The following TBC1D4 variants were observed in gnomAD, a reference collection of about 807,000 sequenced individuals.
TBC1D4 encodes the protein TBC1 domain family member 4.
TBC1D4 carries 121 observed loss-of-function variants against 142.5 expected under a neutral mutation model. The ratio of observed to expected loss-of-function variants is 0.85; its 90% CI spans 0.73 to 0.99. TBC1D4 has a LOEUF of 0.99. Ranked by LOEUF, TBC1D4 falls within the 50% of genes least tolerant of loss-of-function variation. The pLI is 0.00. For missense variants in TBC1D4, 1,475 were observed against 1,606.6 expected (o/e 0.92, Z 1.40); for synonymous variants, 630 against 628.2 (o/e 1.00, Z -0.04).
intron 1 of TBC1D4, among the ~76,000 whole-genome samples, chr13:75,390,504 T>C (rs571092719): frequency 3.9e-5 from 6 of 152,186 alleles, no homozygotes; most frequent in Admixed American, 1.3e-4. Flanking sequence ...ACAGACTGTT[T>C]CACTGACACC....
intron 8 of TBC1D4, among the ~76,000 whole-genome samples, chr13:75,333,404 A>G (rs1191892826): frequency 6.6e-6 from 1 of 152,178 alleles, no homozygotes; most frequent in South Asian, 2.1e-4. Context: ...AAATAAATTT[A>G]AAAAAACACC....
At chr13:75,356,557 AG>A (rs1468073380) in intron 3 of TBC1D4, among the ~76,000 whole-genome samples, 12 of 152,218 alleles carry the variant, frequency 7.9e-5, no homozygotes, top group Non-Finnish European at 1.8e-4. Context: ...CATGTCTGCA[AG>A]TAACGGAGTT....
chr13:75,288,958 G>A lies in TBC1D4; in HGVS notation c.3639C>T (p.Asn1213=). The change falls in exon 20 of 21, where the codon AAC becomes AAT. Residue 1213 remains asparagine (N), a synonymous_variant. Coordinates refer to ENST00000377636, the MANE Select transcript of TBC1D4 (RefSeq NM_014832.5). ...ERANSQLKRQ[N]MDLLEKLQVA... is the part of the protein sequence containing the mutation. ...CCTGTAATTTTTCTAGGAGGTCCAT[G>A]TTTTGTCTTTTCAGTTGGCTATTGG... 1 of 1,613,738 alleles carries A rather than the reference G, an allele frequency of 6.2e-7. No individual in the cohort carries two copies. The highest frequency in any genetic ancestry group is 8.5e-7 in the Non-Finnish European group (1 of 1,179,818).
At chr13:75,309,186 CA>C (rs1303841283) in intron 14 of TBC1D4, among the ~76,000 whole-genome samples, 3 of 152,092 alleles carry the variant, frequency 2.0e-5, no homozygotes, top group Non-Finnish European at 2.9e-5. Context: ...GAAATTTATA[CA>C]TTTTTTTGGA....
intron 8 of TBC1D4, among the ~76,000 whole-genome samples, chr13:75,335,894 C>A (rs1880154565): frequency 6.6e-6 from 1 of 152,074 alleles, no homozygotes; most frequent in African/African-American, 2.4e-5. Context: ...TTCTTTATAG[C>A]AATGCGAAAA....
intron 1 of TBC1D4, among the ~76,000 whole-genome samples, chr13:75,445,173 A>G (rs1355656119): frequency 1.3e-5 from 2 of 152,216 alleles, no homozygotes; most frequent in Non-Finnish European, 1.5e-5. Context: ...AGAGAAGATA[A>G]TCACACAGGT....
rs545161429 is a variant in TBC1D4 at position 75,362,414 on chromosome 13, A to C, written c.692T>G (p.Leu231Arg). ...GATCTTCAGGCGCTGCTGTTCGTGC[A>C]GGCTGAACTTCTCCATGCAGTCATC... ...LIDDCMEKFSLHEQQRLKIQG... is the reference protein window; with the variant it reads ...LIDDCMEKFSRHEQQRLKIQG... Residue 231 changes from leucine (L) to arginine (R), a missense_variant, in exon 2 of 21, where the codon CTG (leucine) becomes CGG (arginine). By Grantham distance (102) the Leu-to-Arg change is moderately radical. Coordinates refer to ENST00000377636, the MANE Select transcript of TBC1D4 (RefSeq NM_014832.5). This position sits in a 1 kb window ranked among gnomAD's most constrained non-coding sequence, Gnocchi z 4.2. 6.2e-7 allele frequency: 1 copy of C among 1,614,234 alleles called. No individual in the cohort carries two copies. The highest frequency in any genetic ancestry group is 1.1e-5 in the South Asian group (1 of 91,084).
intron 8 of TBC1D4, among the ~76,000 whole-genome samples, chr13:75,329,164 C>T (rs745880340): frequency 6.6e-5 from 10 of 151,838 alleles, no homozygotes; most frequent in Admixed American, 1.3e-4. Flanking sequence ...AGTTACATCA[C>T]GAATTTTGGT....
rs1184602891 is a variant in TBC1D4 at position 75,288,981 on chromosome 13, T to G, written c.3616A>C (p.Asn1206His). The G allele has an allele frequency of 6.2e-7, 1 of 1,613,948 alleles. No individual in the cohort carries two copies. The highest frequency in any genetic ancestry group is 8.5e-7 in the Non-Finnish European group (1 of 1,179,890). The change falls in exon 20 of 21, where the codon AAT (asparagine) becomes CAT (histidine). Residue 1206 changes from asparagine to histidine, a missense_variant. Physicochemically the swap from Asn to His is moderately conservative, Grantham distance 68. This residue lies in a region of TBC1D4 where 248 missense variants were observed against 338.9 expected (regional missense o/e 0.73). Coordinates refer to ENST00000377636, the MANE Select transcript of TBC1D4 (RefSeq NM_014832.5). ...ATGTTTTGTCTTTTCAGTTGGCTAT[T>G]GGCCCTCTCCAGCTTCTCCAAAGTT... The part of the protein sequence containing the change: ...SETLEKLERA[N>H]SQLKRQNMDL...
chr13:75,450,208 TGGCCATA>T (rs1887477374), intron 1 of TBC1D4, among the ~76,000 whole-genome samples: 1 of 152,202 alleles, frequency 6.6e-6, no homozygotes, highest in Non-Finnish European at 1.5e-5. Context: ...TACCTCACAG[TGGCCATA>T]GTTGCCATTC....
rs1389108674 is a variant in TBC1D4 at position 75,362,168 on chromosome 13, C to T, written c.938G>A (p.Arg313Gln). The T allele has an allele frequency of 1.9e-6, 3 of 1,613,578 alleles. No homozygotes were observed. The highest frequency in any genetic ancestry group is 2.5e-6 in the Non-Finnish European group (3 of 1,180,010). Residue 313 changes from arginine (R) to glutamine (Q), a missense_variant, in exon 2 of 21, where the codon CGG becomes CAG. Physicochemically the swap from Arg to Gln is conservative, Grantham distance 43. Coordinates refer to ENST00000377636, the MANE Select transcript of TBC1D4 (RefSeq NM_014832.5). The surrounding 1 kb of genome is among the most constrained non-coding windows in gnomAD (Gnocchi z 4.2). Reference sequence around the variant, plus strand: ...GCCGGTGACACTGCTGCACCGAGACCGAAACTCCTGCTGCTCATCAAAGCC... The same window carrying T: ...GCCGGTGACACTGCTGCACCGAGACTGAAACTCCTGCTGCTCATCAAAGCC... ...DSGFDEQQEFRSRCSSVTGVQ... is the reference protein window; with the variant it reads ...DSGFDEQQEFQSRCSSVTGVQ...
intron 8 of TBC1D4, among the ~76,000 whole-genome samples, chr13:75,329,454 C>G (rs188561329): frequency 1.7e-4 from 26 of 151,416 alleles, no homozygotes; most frequent in East Asian, 7.8e-4. Context: ...CTCTCTCCCC[C>G]GCTTGTTTTT....
intron 1 of TBC1D4, among the ~76,000 whole-genome samples, chr13:75,412,576 A>T (rs1473150221): frequency 6.6e-6 from 1 of 152,170 alleles, no homozygotes; most frequent in East Asian, 1.9e-4. Flanking sequence ...AAGTGCTGGG[A>T]TTACAGGTGT....
At chr13:75,332,727 T>C (rs1879857360) in intron 8 of TBC1D4, among the ~76,000 whole-genome samples, 2 of 152,234 alleles carry the variant, frequency 1.3e-5, no homozygotes. Context: ...CTAGATACTC[T>C]TTTCTGAGAT....
At chr13:75,444,295 G>A (rs998257539) in intron 1 of TBC1D4, among the ~76,000 whole-genome samples, 1 of 152,004 alleles carries the variant, frequency 6.6e-6, no homozygotes. Flanking sequence ...CACCATGCTC[G>A]GCTCATTGAG....
intron 1 of TBC1D4, among the ~76,000 whole-genome samples, chr13:75,434,280 T>C (rs1371440531): frequency 3.9e-5 from 6 of 152,134 alleles, no homozygotes; most frequent in Admixed American, 6.5e-5. Flanking sequence ...AATGACAGAC[T>C]GGATTTTAAA....
At chr13:75,410,032 T>A (rs542138498) in intron 1 of TBC1D4, among the ~76,000 whole-genome samples, 1 of 152,358 alleles carries the variant, frequency 6.6e-6, no homozygotes, top group Non-Finnish European at 1.5e-5. Flanking sequence ...ATTTGCCACT[T>A]ACCTTAAAAC....
chr13:75,438,868 G>A lies in TBC1D4; in HGVS notation c.498+42402C>T, dbSNP rs373121482. On this transcript the variant is annotated intron_variant, in intron 1 of 20. Coordinates refer to ENST00000377636, the MANE Select transcript of TBC1D4 (RefSeq NM_014832.5). ...GTATGTCTTGTTTAAGGTAATTTAA[G>A]TGGAAAGCTACATTATTTTAGTGCC... Among the ~76,000 whole-genome samples the A allele has an allele frequency of 1.2e-4, 18 of 152,280 alleles. No homozygotes were observed. In the East Asian group the frequency reaches 2.7e-3, roughly 23 times the overall value.
At chr13:75,454,561 G>T (rs948797112) in intron 1 of TBC1D4, among the ~76,000 whole-genome samples, 4 of 152,158 alleles carry the variant, frequency 2.6e-5, no homozygotes, top group Admixed American at 2.0e-4. Flanking sequence ...GATGTTATCA[G>T]ATCCAAAATT....
Sources: allele counts gnomAD v4.1 joint callset (sites outside exome capture counted in the v4.1 genomes callset), GRCh38; gene constraint gnomAD v4.1.1; regional missense constraint gnomAD v4.1.1; non-coding constraint Gnocchi (gnomAD v3.1); transcripts MANE v1.5; gene names NCBI Gene and HGNC (gene_info 2026-07-23, HGNC 2026-07-21).